Variants in GPC5 observed in about 807,000 individuals in gnomAD.
GPC5 encodes glypican 5.
A neutral mutation model predicts 53.9 loss-of-function variants in GPC5; 47 were observed. The ratio of observed to expected loss-of-function variants is 0.87; its 90% CI spans 0.69 to 1.11. The LOEUF is 1.11. Among genes scored for constraint, GPC5 ranks in the 50% most tolerant of loss-of-function variants. The probability of loss-of-function intolerance (pLI) is 0.00; values close to 1 mark genes in which losing one functional copy is unlikely to be tolerated. For missense variants in GPC5, 748 were observed against 713.1 expected (o/e 1.05, Z -0.56); for synonymous variants, 286 against 263.3 (o/e 1.09, Z -0.84).
intron 5 of GPC5, among the ~76,000 whole-genome samples, chr13:91,784,209 G>C (rs2138728606): frequency 6.6e-6 from 1 of 152,218 alleles, no homozygotes; most frequent in Middle Eastern, 3.4e-3. Context: ...AAAGTGTCAT[G>C]TTCATCTATT....
chr13:91,627,853 T>G (rs1309227996), intron 2 of GPC5, among the ~76,000 whole-genome samples: 1 of 152,122 alleles, frequency 6.6e-6, no homozygotes, highest in Admixed American at 6.6e-5. Context: ...CTAATAGTAT[T>G]CTTCAATATC....
intron 7 of GPC5, among the ~76,000 whole-genome samples, chr13:92,493,591 C>T (rs762896961): frequency 6.6e-6 from 1 of 152,144 alleles, no homozygotes; most frequent in Non-Finnish European, 1.5e-5. Flanking sequence ...AGATTTAATC[C>T]TCAGTCTCAA....
intron 6 of GPC5, among the ~76,000 whole-genome samples, chr13:92,105,316 T>C: frequency 6.6e-6 from 1 of 152,114 alleles, no homozygotes; most frequent in East Asian, 1.9e-4. Context: ...AAAGATAATG[T>C]GAATAGAGAC....
chr13:92,184,394 T>C (rs1262165067), intron 7 of GPC5, among the ~76,000 whole-genome samples: 3 of 152,176 alleles, frequency 2.0e-5, no homozygotes, highest in African/African-American at 7.2e-5. Flanking sequence ...ACTTTAGCCA[T>C]TGGATATATC....
chr13:92,748,190 T>C (rs1361818744), intron 7 of GPC5, among the ~76,000 whole-genome samples: 1 of 152,016 alleles, frequency 6.6e-6, no homozygotes, highest in Non-Finnish European at 1.5e-5. Flanking sequence ...GTTTAAATCA[T>C]GGAGTATGAA....
rs1045936398 is a variant in GPC5 at position 92,083,533 on chromosome 13, C to A, written c.1402-61297C>A. Among the ~76,000 whole-genome samples, 2 of 151,968 alleles carry A rather than the reference C, an allele frequency of 1.3e-5. 1 individual carries two copies. The highest frequency in any genetic ancestry group is 1.3e-4 in the Admixed American group (2 of 15,250). ...CATCATGTATACATATGTAACAAAC[C>A]TGCACATTGTGCACATGTACCTTAG... On this transcript the variant is annotated intron_variant, in intron 6 of 7. Transcript: ENST00000377067.
At chr13:91,812,585 T>A (rs533746016) in intron 5 of GPC5, among the ~76,000 whole-genome samples, 4 of 152,302 alleles carry the variant, frequency 2.6e-5, no homozygotes, top group African/African-American at 9.6e-5. Context: ...AATGTCCAAT[T>A]TGTCCTCTTC....
intron 2 of GPC5, among the ~76,000 whole-genome samples, chr13:91,675,402 A>G (rs1305060113): frequency 6.6e-6 from 1 of 152,172 alleles, no homozygotes; most frequent in East Asian, 1.9e-4. Flanking sequence ...CTTGAAAAAT[A>G]ATTTCCACAC....
intron 5 of GPC5, among the ~76,000 whole-genome samples, chr13:91,808,665 G>A (rs1457103794): frequency 6.6e-6 from 1 of 152,090 alleles, no homozygotes; most frequent in East Asian, 1.9e-4. Flanking sequence ...ATGTAATAAT[G>A]ATTCTTTGAA....
intron 5 of GPC5, among the ~76,000 whole-genome samples, chr13:91,868,066 T>C (rs775337945): frequency 1.1e-4 from 17 of 152,204 alleles, no homozygotes; most frequent in Non-Finnish European, 2.1e-4. Context: ...ATTGAAATCA[T>C]ATTATTCAAG....
At chr13:92,495,045 T>C (rs1183998602) in intron 7 of GPC5, among the ~76,000 whole-genome samples, 1 of 152,232 alleles carries the variant, frequency 6.6e-6, no homozygotes, top group Non-Finnish European at 1.5e-5. Flanking sequence ...AGTTCTTGTT[T>C]GCAGGAAGTA....
chr13:91,431,079 A>G (rs913749706), intron 1 of GPC5, among the ~76,000 whole-genome samples: 3 of 152,090 alleles, frequency 2.0e-5, no homozygotes, highest in East Asian at 3.9e-4. Context: ...TTTGTTTGCC[A>G]TGCTGCCCAG....
At chr13:91,899,737 G>A (rs543432270) in intron 5 of GPC5, among the ~76,000 whole-genome samples, 74 of 152,252 alleles carry the variant, frequency 4.9e-4, no homozygotes, top group Non-Finnish European at 1.1e-3. Context: ...AAGGTCATGT[G>A]AAGATGGAGA....
intron 5 of GPC5, among the ~76,000 whole-genome samples, chr13:91,861,005 A>G (rs1365171326): frequency 6.6e-6 from 1 of 152,110 alleles, no homozygotes; most frequent in Non-Finnish European, 1.5e-5. Flanking sequence ...CATGTGATTT[A>G]CAACTATTTG....
At chr13:92,013,119 G>A (rs972574913) in intron 6 of GPC5, among the ~76,000 whole-genome samples, 4 of 152,218 alleles carry the variant, frequency 2.6e-5, no homozygotes, top group Non-Finnish European at 5.9e-5. Flanking sequence ...GCTGCCCTCT[G>A]CCAGCAAGAG....
intron 7 of GPC5, among the ~76,000 whole-genome samples, chr13:92,624,620 T>C (rs1884986995): frequency 6.6e-6 from 1 of 152,206 alleles, no homozygotes; most frequent in African/African-American, 2.4e-5. Context: ...ATGTTTTGCA[T>C]TGGTTCTCTA....
intron 3 of GPC5, among the ~76,000 whole-genome samples, chr13:91,703,080 A>C (rs1206148766): frequency 6.6e-6 from 1 of 151,858 alleles, no homozygotes; most frequent in Non-Finnish European, 1.5e-5. Context: ...CTTTTCTTGG[A>C]GTATTTAGGG....
chr13:92,308,382 G>C (rs1185756269), intron 7 of GPC5, among the ~76,000 whole-genome samples: 1 of 152,070 alleles, frequency 6.6e-6, no homozygotes, highest in East Asian at 1.9e-4. Context: ...TTTTGTTTTT[G>C]TTTTTATATA....
chr13:92,236,846 AT>A (rs71120077), intron 7 of GPC5, among the ~76,000 whole-genome samples: 23 of 149,768 alleles, frequency 1.5e-4, no homozygotes, highest in Admixed American at 2.7e-4. Context: ...ATTTATCAGC[AT>A]TTTTTTTTTG....
Sources: gnomAD v4.1 joint callset for allele counts (sites outside exome capture counted in the v4.1 genomes callset) on GRCh38, gnomAD v4.1.1 for gene constraint, MANE v1.5 for transcripts, NCBI Gene and HGNC (gene_info 2026-07-23, HGNC 2026-07-21) for gene names.